Variants in GRIN2A observed in about 807,000 individuals in gnomAD.
GRIN2A encodes the protein glutamate ionotropic receptor NMDA type subunit 2A, also known as glutamate receptor ionotropic, NMDA 2A.
A neutral mutation model predicts 113.4 loss-of-function variants in GRIN2A; 22 were observed. The ratio of observed to expected loss-of-function variants is 0.19; its 90% confidence interval spans 0.14 to 0.28. GRIN2A has a LOEUF of 0.28. Ranked by LOEUF, GRIN2A falls within the 10% of genes least tolerant of loss-of-function variation. The pLI, the probability that GRIN2A is intolerant of heterozygous loss-of-function variation, is 1.00. For missense variants in GRIN2A, 1,502 were observed against 1,887.0 expected, an observed-to-expected ratio of 0.80 and a Z score of 3.78; for synonymous variants, 827 against 738.4, an observed-to-expected ratio of 1.12 and a Z score of -1.94.
intron 11 of GRIN2A, among the ~76,000 whole-genome samples, chr16:9,775,630 G>T (rs1901548259): frequency 6.6e-6 from 1 of 152,206 alleles, no homozygotes; most frequent in African/African-American, 2.4e-5. Flanking sequence ...AGGAAGAAGG[G>T]ATCAAAGGAG....
At position 9,757,476 on chromosome 16, in the gene GRIN2A, G is replaced by A. The variant is rs1029970347; in HGVS notation, c.*5673C>T. ...GTTTAGTCTCTGTTTGCATTGCATG[G>A]GTCCTTGGTTATCCTTTGTATTAGA... On this transcript the variant is annotated 3_prime_UTR_variant, in exon 13 of 13. Coordinates refer to ENST00000330684, the MANE Select transcript of GRIN2A (RefSeq NM_001134407.3). 5 of 229,444 alleles carry A rather than the reference G, an allele frequency of 2.2e-5. No homozygotes were observed. The Admixed American group carries it at 2.3e-4, about 10-fold the overall frequency. The allele number at this position is 229,444 out of a possible 1,614,324, so 14.2% of individuals were successfully genotyped here.
intron 11 of GRIN2A, among the ~76,000 whole-genome samples, chr16:9,783,646 C>T (rs1022215396): frequency 6.6e-6 from 1 of 151,968 alleles, no homozygotes; most frequent in Non-Finnish European, 1.5e-5. Flanking sequence ...TGTGTAAACC[C>T]AATTAGAAGC....
intron 9 of GRIN2A, among the ~76,000 whole-genome samples, 171 bp from the exon 10 acceptor site, chr16:9,822,595 C>T (rs1306183197): frequency 6.6e-6 from 1 of 152,134 alleles, no homozygotes; most frequent in Non-Finnish European, 1.5e-5. Flanking sequence ...TTTCTTTCTA[C>T]TTAGTCACAT....
chr16:10,026,213 T>G (rs1156962620), intron 2 of GRIN2A, among the ~76,000 whole-genome samples: 3 of 152,164 alleles, frequency 2.0e-5, no homozygotes, highest in Non-Finnish European at 4.4e-5. Flanking sequence ...AATCCCAACT[T>G]AGGTTCTCAC....
At position 10,180,481 on chromosome 16, in the gene GRIN2A, G is replaced by T. The variant is rs2050246612; in HGVS notation, c.-18-52C>A. ...GCCGCGGTGAGCAAGGCGACCAGAAGAAAGGGATTACCAACTTGGCTTCCT... is the reference window on the plus strand; with the variant it reads ...GCCGCGGTGAGCAAGGCGACCAGAATAAAGGGATTACCAACTTGGCTTCCT... On this transcript the variant is annotated intron_variant, in intron 1 of 12. Transcript: ENST00000330684. The surrounding 1 kb of genome is among the most constrained non-coding windows in gnomAD (Gnocchi z 7.0). 5.8e-6 allele frequency: 9 copies of T among 1,553,586 alleles called. No individual in the cohort carries two copies. The South Asian group carries it at 1.0e-4, about 18-fold the overall frequency.
At chr16:10,154,701 G>A (rs770367175) in intron 2 of GRIN2A, among the ~76,000 whole-genome samples, 13 of 152,122 alleles carry the variant, frequency 8.5e-5, no homozygotes, top group Non-Finnish European at 1.6e-4. Context: ...GTATAGGAAC[G>A]GCACCTAATC....
rs144695644 is a variant in GRIN2A at position 9,798,940 on chromosome 16, T to C, written c.2169-476A>G. On this transcript the variant is annotated intron_variant, in intron 10 of 12. Transcript: ENST00000330684. Reference sequence around the variant, plus strand: ...TATCATACAGAAATTATTGCAGAATTTTTAAAAATCCAAATAATATAGAAA... The same window carrying C: ...TATCATACAGAAATTATTGCAGAATCTTTAAAAATCCAAATAATATAGAAA... Among the ~76,000 whole-genome samples, 741 of 152,352 alleles carry C rather than the reference T, an allele frequency of 4.9e-3. 3 individuals carry two copies. The highest frequency in any genetic ancestry group is 0.017 in the African/African-American group (709 of 41,578).
chr16:10,107,168 A>G (rs1240212867), intron 2 of GRIN2A, among the ~76,000 whole-genome samples: 1 of 152,194 alleles, frequency 6.6e-6, no homozygotes, highest in Non-Finnish European at 1.5e-5. Context: ...AATCCTAACC[A>G]TACACAGGGA....
chr16:9,852,685 G>C (rs1289786343), intron 4 of GRIN2A, among the ~76,000 whole-genome samples: 1 of 152,172 alleles, frequency 6.6e-6, no homozygotes. Context: ...TTTCTCATCT[G>C]ATAGACCCTT....
intron 2 of GRIN2A, among the ~76,000 whole-genome samples, chr16:10,065,822 T>C (rs1301564191): frequency 6.6e-6 from 1 of 152,188 alleles, no homozygotes. Flanking sequence ...GTTGACCCTC[T>C]GTCATGACAT....
intron 2 of GRIN2A, chr16:10,112,675 A>AG: frequency 1.3e-6 from 1 of 756,832 alleles, no homozygotes; most frequent in East Asian, 2.5e-5. Context: ...TACTTCAGCG[A>AG]GGGGGAAAAG....
At chr16:9,805,285 T>TG (rs1314356048) in intron 10 of GRIN2A, among the ~76,000 whole-genome samples, 1 of 152,214 alleles carries the variant, frequency 6.6e-6, no homozygotes, top group Non-Finnish European at 1.5e-5. Flanking sequence ...AGATGCTCTC[T>TG]GGGGGTCTCA....
chr16:9,945,289 A>G (rs933061203), intron 2 of GRIN2A, among the ~76,000 whole-genome samples: 3 of 152,154 alleles, frequency 2.0e-5, no homozygotes, highest in African/African-American at 7.2e-5. Context: ...GCTGATCAAA[A>G]TGATATGAAG....
intron 3 of GRIN2A, among the ~76,000 whole-genome samples, chr16:9,931,954 C>T (rs1372085606): frequency 6.6e-6 from 1 of 152,196 alleles, no homozygotes; most frequent in Admixed American, 6.5e-5. Context: ...TTGAACCAAG[C>T]CCCAAATAGG....
chr16:9,792,132 A>T (rs1166049025), intron 11 of GRIN2A, among the ~76,000 whole-genome samples: 1 of 151,132 alleles, frequency 6.6e-6, no homozygotes, highest in Admixed American at 6.6e-5. Context: ...TTAACATATG[A>T]TTATATGTAC....
intron 11 of GRIN2A, among the ~76,000 whole-genome samples, chr16:9,795,252 A>G (rs1288241538): frequency 2.6e-5 from 4 of 152,156 alleles, no homozygotes; most frequent in Admixed American, 2.6e-4. Flanking sequence ...TGCAGTAAAG[A>G]AGCTGGCCAA....
intron 2 of GRIN2A, among the ~76,000 whole-genome samples, chr16:10,036,449 C>CTTTTTTTTTTTTTTTTTTTTTTTTTTTTT (rs369821921): frequency 2.2e-5 from 1 of 45,986 alleles, no homozygotes; most frequent in East Asian, 1.0e-3. Flanking sequence ...TTTTTTTTTT[C>CTTTTTTTTTTTTTTTTTTTTTTTTTTTTT]TTTTTTTTTT....
chr16:10,159,803 C>G (rs770314578), intron 2 of GRIN2A, among the ~76,000 whole-genome samples: 1 of 152,174 alleles, frequency 6.6e-6, no homozygotes, highest in Non-Finnish European at 1.5e-5. Flanking sequence ...CATCCCAGAT[C>G]GCCTAACTCA....
chr16:10,060,846 C>A (rs1308613207), intron 2 of GRIN2A, among the ~76,000 whole-genome samples: 1 of 152,172 alleles, frequency 6.6e-6, no homozygotes, highest in African/African-American at 2.4e-5. Context: ...AACACACCCA[C>A]AACAGTGCAA....
Sources: allele counts gnomAD v4.1 joint callset (sites outside exome capture counted in the v4.1 genomes callset), GRCh38; gene constraint gnomAD v4.1.1; non-coding constraint Gnocchi (gnomAD v3.1); transcripts MANE v1.5; gene names NCBI Gene and HGNC (gene_info 2026-07-23, HGNC 2026-07-21).